Variants in PCDHGB5 observed in about 807,000 individuals in gnomAD.
The protein encoded by PCDHGB5 is protocadherin gamma subfamily B, 5.
A neutral mutation model predicts 62.9 loss-of-function variants in PCDHGB5; 48 were observed. The ratio of observed to expected loss-of-function variants is 0.76; its 90% CI spans 0.61 to 0.97. The LOEUF (loss-of-function observed/expected upper bound fraction) is 0.97, where lower values mean the gene tolerates loss of function less well. Among genes scored for constraint, PCDHGB5 ranks in the 50% least tolerant of loss-of-function variants. The pLI is 0.00. For synonymous variants in PCDHGB5, 474 were observed against 511.2 expected, an observed-to-expected ratio of 0.93 and a Z score of 0.98; for missense variants, 1,118 against 1,198.6, an observed-to-expected ratio of 0.93 and a Z score of 0.99.
At chr5:141,494,654 G>A in intron 1 of PCDHGB5, 153 bp from the exon 2 acceptor site, 1 of 966,640 alleles carries the variant, frequency 1.0e-6, no homozygotes, top group South Asian at 4.8e-5. Context: ...GGTGTATTTT[G>A]TCTTTGGAGA....
At chr5:141,465,141 A>AT (rs1341872532) in intron 1 of PCDHGB5, among the ~76,000 whole-genome samples, 2 of 151,678 alleles carry the variant, frequency 1.3e-5, no homozygotes, top group Non-Finnish European at 2.9e-5. Flanking sequence ...AGTTTAGGGG[A>AT]TATATGAAGG....
At position 141,398,476 on chromosome 5, in the gene PCDHGB5, T is replaced by C. The variant is rs756685671; in HGVS notation, c.349T>C (p.Tyr117His). Residue 117 changes from tyrosine to histidine, a missense_variant, in exon 1 of 4, where the codon TAT becomes CAT. Physicochemically the swap from Tyr to His is moderately conservative, Grantham distance 83. Around this residue, in one of 2 missense-constraint regions of PCDHGB5, gnomAD observed 84 missense variants for 169.5 expected, o/e 0.50. Transcript: ENST00000617380. The part of the protein sequence containing the change: ...EAVAENPLNF[Y>H]HVNVEIEDIN... ...TGTTGCTGAAAATCCACTGAACTTT[T>C]ATCACGTGAATGTGGAGATCGAGGA... The C allele has an allele frequency of 6.2e-7, 1 of 1,607,694 alleles. No individual in the cohort carries two copies.
chr5:141,413,748 T>C (rs1264580781), intron 1 of PCDHGB5: 2 of 1,613,288 alleles, frequency 1.2e-6, no homozygotes, highest in Non-Finnish European at 1.7e-6. Context: ...GCCGTGCCAA[T>C]GGCGTCAAGT....
chr5:141,428,043 A>G, intron 1 of PCDHGB5: 1 of 1,608,722 alleles, frequency 6.2e-7, no homozygotes, highest in Non-Finnish European at 8.5e-7. Flanking sequence ...CTACCTGGTG[A>G]CCAAGGTGGT....
rs994740663 is a variant in PCDHGB5, at chr5:141,477,022, G to T, written c.2398-17785G>T. ...TATTCGCCTTAGACCTTGTAACCGG[G>T]ATGCTGACAATCAAGGGTCGGCTGG... On this transcript the variant is annotated intron_variant, in intron 1 of 3. Transcript: ENST00000617380. The surrounding 1 kb of genome is among the most constrained non-coding windows in gnomAD (Gnocchi z 4.9). 6.2e-7 allele frequency: 1 copy of T among 1,614,240 alleles called. No homozygotes were observed. Among genetic ancestry groups the T allele is most frequent in the African/African-American group, 1.3e-5 (1 of 75,074 alleles).
At chr5:141,462,996 G>A (rs2099050826) in intron 1 of PCDHGB5, among the ~76,000 whole-genome samples, 1 of 152,082 alleles carries the variant, frequency 6.6e-6, no homozygotes, top group South Asian at 2.1e-4. Flanking sequence ...GGCTAATTTA[G>A]ACCTACCACT....
At chr5:141,414,099 A>G in intron 1 of PCDHGB5, 1 of 1,593,504 alleles carries the variant, frequency 6.3e-7, no homozygotes, top group Non-Finnish European at 8.5e-7. Flanking sequence ...TAAAAATATC[A>G]GAAAATCTAG....
Position 141,434,784 on chromosome 5 carries a change from AT to A in PCDHGB5, c.2397+34269del, listed in dbSNP as rs201914459. On this transcript the variant is annotated intron_variant, in intron 1 of 3. Transcript: ENST00000617380. The stretch of plus-strand genomic sequence containing the variant: ...ACTTCACACTTCTAAAAAAAAAAAA[AT>A]TTTTTTTTCTGAGCTTGGAGAAATA... Among the ~76,000 whole-genome samples the A allele has an allele frequency of 3.3e-4, 49 of 150,342 alleles. 1 individual carries two copies. Among genetic ancestry groups the A allele is most frequent in the Middle Eastern group, 3.4e-3 (1 of 290 alleles).
At position 141,420,872 on chromosome 5, in the gene PCDHGB5, G is replaced by A. The variant is rs575322685; in HGVS notation, c.2397+20348G>A. 3.3e-5 allele frequency among the ~76,000 whole-genome samples: 5 copies of A among 152,328 alleles called. No homozygotes were observed. The East Asian group carries it at 7.7e-4, about 24-fold the overall frequency. On this transcript the variant is annotated intron_variant, in intron 1 of 3. Coordinates refer to ENST00000617380, the MANE Select transcript of PCDHGB5 (RefSeq NM_018925.3). ...AAAGTTTTAACGTCACATAATGTAA[G>A]TATTGTGTATCATCGTTTTTAAGCT...
intron 1 of PCDHGB5, among the ~76,000 whole-genome samples, chr5:141,446,764 G>A (rs2098514605): frequency 6.6e-6 from 1 of 152,214 alleles, no homozygotes; most frequent in Non-Finnish European, 1.5e-5. Context: ...ACCGCGCCCA[G>A]CCGGTTACCA....
chr5:141,490,050 C>T lies in PCDHGB5; in HGVS notation c.2398-4757C>T, dbSNP rs1400735375. On this transcript the variant is annotated intron_variant, in intron 1 of 3. Transcript: ENST00000617380. This position sits in a 1 kb window ranked among gnomAD's most constrained non-coding sequence, Gnocchi z 5.4. ...TCCGCCTCAATGCCACTGATCCAGA[C>T]GAGGGCACCAACGGCCAACTAGACT... The T allele has an allele frequency of 1.2e-6, 2 of 1,614,224 alleles. No individual in the cohort carries two copies. The highest frequency in any genetic ancestry group is 1.7e-6 in the Non-Finnish European group (2 of 1,180,022).
At position 141,449,665 on chromosome 5, in the gene PCDHGB5, G is replaced by T. The variant is rs144213743; in HGVS notation, c.2398-45142G>T. 9.3e-5 allele frequency among the ~76,000 whole-genome samples: 14 copies of T among 150,156 alleles called. No individual in the cohort carries two copies. In the East Asian group the frequency reaches 2.7e-3, roughly 29 times the overall value. Reference sequence around the variant, plus strand: ...TATACATATTTACATACACACCCAAGTGTGTATGTATATATGTTTGTGTGT... The same window carrying T: ...TATACATATTTACATACACACCCAATTGTGTATGTATATATGTTTGTGTGT... On this transcript the variant is annotated intron_variant, in intron 1 of 3. Coordinates refer to ENST00000617380, the MANE Select transcript of PCDHGB5 (RefSeq NM_018925.3).
In PCDHGB5 at chr5:141,511,197, C is replaced by A; in HGVS notation, c.*24C>A. 1 of 1,613,140 alleles carries A rather than the reference C, an allele frequency of 6.2e-7. No individual in the cohort carries two copies. Among genetic ancestry groups the A allele is most frequent in the Non-Finnish European group, 8.5e-7 (1 of 1,179,524 alleles). Reference sequence around the variant, plus strand: ...AACATGGAGGCCAGGCCAAGAGCCACAGGGCGGCCTCTCCCCAACCAGCCC... The same window carrying A: ...AACATGGAGGCCAGGCCAAGAGCCAAAGGGCGGCCTCTCCCCAACCAGCCC... On this transcript the variant is annotated 3_prime_UTR_variant, in exon 4 of 4. Transcript: ENST00000617380.
chr5:141,452,364 A>G (rs1330623001), intron 1 of PCDHGB5, among the ~76,000 whole-genome samples: 1 of 152,188 alleles, frequency 6.6e-6, no homozygotes, highest in African/African-American at 2.4e-5. Flanking sequence ...GCCTTGCTTC[A>G]TTTTAGTAGG....
At chr5:141,464,263 TAA>T (rs35224477) in intron 1 of PCDHGB5, among the ~76,000 whole-genome samples, 15 of 103,552 alleles carry the variant, frequency 1.4e-4, no homozygotes, top group Admixed American at 3.2e-4. Context: ...AGACTCCGTC[TAA>T]AAAAAAAAAA....
Position 141,476,239 on chromosome 5 carries a change from A to T in PCDHGB5, c.2398-18568A>T. ...TTCACTATGAGATCCCGGAGGAAAG[A>T]GAGAAGGGTTTCGCTGTGGGCAACG... is the stretch of plus-strand genomic sequence containing the variant. On this transcript the variant is annotated intron_variant, in intron 1 of 3. Coordinates refer to ENST00000617380, the MANE Select transcript of PCDHGB5 (RefSeq NM_018925.3). This position sits in a 1 kb window ranked among gnomAD's most constrained non-coding sequence, Gnocchi z 7.6. 1 of 1,613,826 alleles carries T rather than the reference A, an allele frequency of 6.2e-7. No homozygotes were observed. Among genetic ancestry groups the T allele is most frequent in the Non-Finnish European group, 8.5e-7 (1 of 1,179,996 alleles).
chr5:141,403,986 C>A (rs367739607), intron 1 of PCDHGB5: 12 of 1,613,586 alleles, frequency 7.4e-6, no homozygotes, highest in Admixed American at 1.7e-5. Flanking sequence ...GACAATAGAC[C>A]TGAAGTGACC....
Position 141,489,322 on chromosome 5 carries a change from T to G in PCDHGB5, c.2398-5485T>G. 1.9e-6 allele frequency: 3 copies of G among 1,601,052 alleles called. No homozygotes were observed. The highest frequency in any genetic ancestry group is 2.2e-5 in the East Asian group (1 of 44,726). On this transcript the variant is annotated intron_variant, in intron 1 of 3. Transcript: ENST00000617380. This position sits in a 1 kb window ranked among gnomAD's most constrained non-coding sequence, Gnocchi z 4.5. The stretch of plus-strand genomic sequence containing the variant: ...GTCCTTGTGCTGCTGGGGCTGGGTG[T>G]CTGGGCAGCTTCGTTACTCAGTGGT...
rs1015619417 is a variant in PCDHGB5 at position 141,455,526 on chromosome 5, C to T, written c.2398-39281C>T. Among the ~76,000 whole-genome samples the T allele has an allele frequency of 2.0e-5, 3 of 152,106 alleles. 1 individual carries two copies. Among genetic ancestry groups the T allele is most frequent in the South Asian group, 4.1e-4 (2 of 4,826 alleles). ...CATAGGGCTCAGGGGATTGGTTTGA[C>T]CAGGCATATCATTCACGTAGCCCGA... On this transcript the variant is annotated intron_variant, in intron 1 of 3. Coordinates refer to ENST00000617380, the MANE Select transcript of PCDHGB5 (RefSeq NM_018925.3).
Sources: gnomAD v4.1 joint callset for allele counts (sites outside exome capture counted in the v4.1 genomes callset) on GRCh38, gnomAD v4.1.1 for gene constraint, gnomAD v4.1.1 regional missense constraint, Gnocchi (gnomAD v3.1) non-coding constraint, MANE v1.5 for transcripts, NCBI Gene and HGNC (gene_info 2026-07-23, HGNC 2026-07-21) for gene names.